LRP10: variants seen among roughly 807,000 people sequenced by gnomAD.
LRP10 encodes the protein low-density lipoprotein receptor-related protein 10.
Under a neutral mutation model 58.5 loss-of-function variants are expected in LRP10, and 42 were observed. The observed-to-expected ratio is 0.72, with a 90% CI of 0.56 to 0.93. The LOEUF (loss-of-function observed/expected upper bound fraction) is 0.93, where lower values mean the gene tolerates loss of function less well. Among genes scored for constraint, LRP10 ranks in the 40% least tolerant of loss-of-function variants. The pLI, the probability that LRP10 is intolerant of heterozygous loss-of-function variation, is 0.00. For missense variants in LRP10, 872 were observed against 940.1 expected (o/e 0.93, Z 0.95); for synonymous variants, 377 against 388.5 (o/e 0.97, Z 0.35).
Position 22,872,312 on chromosome 14 carries a change from G to T in LRP10, c.9G>T (p.Leu3Phe). Residue 3 changes from leucine (L) to phenylalanine (F), a missense_variant, in exon 1 of 7, where the codon TTG becomes TTT. Coordinates refer to ENST00000359591, the MANE Select transcript of LRP10 (RefSeq NM_014045.5). ...CCTCTGGACAGCCCAGGATGCTGTTGGCCACCCTCCTCCTCCTCCTCCTTG... is the reference window on the plus strand; with the variant it reads ...CCTCTGGACAGCCCAGGATGCTGTTTGCCACCCTCCTCCTCCTCCTCCTTG... MLLATLLLLLLGG... is the reference protein window; with the variant it reads MLFATLLLLLLGG... 6.2e-7 allele frequency: 1 copy of T among 1,613,948 alleles called. No homozygotes were observed. The highest frequency in any genetic ancestry group is 8.5e-7 in the Non-Finnish European group (1 of 1,179,904).
In LRP10 at chr14:22,879,471, T is replaced by C; in HGVS notation, c.*1944T>C. 4.0e-6 allele frequency: 1 copy of C among 253,162 alleles called. No individual in the cohort carries two copies. Among genetic ancestry groups the C allele is most frequent in the Non-Finnish European group, 8.5e-6 (1 of 117,548 alleles). The allele number at this position is 253,162 out of a possible 1,614,324, so 15.7% of individuals were successfully genotyped here. ...CCTCCCCTGCCTCTCCATAGCCTGG[T>C]CTTTTGCCCTCTCCTTTGCTCTTCT... On this transcript the variant is annotated 3_prime_UTR_variant, in exon 7 of 7. Coordinates refer to ENST00000359591, the MANE Select transcript of LRP10 (RefSeq NM_014045.5).
Position 22,875,084 on chromosome 14 carries a change from C to A in LRP10, c.245C>A (p.Ser82Ter), listed in dbSNP as rs770407993. The A allele has an allele frequency of 1.3e-6, 2 of 1,597,736 alleles. No homozygotes were observed. Among genetic ancestry groups the A allele is most frequent in the South Asian group, 2.3e-5 (2 of 88,454 alleles). ...CAGAAGCTACACCTGGCCTGTGGCTCAGAGCGCTTAACCCTACGCTCCCCT... is the reference window on the plus strand; with the variant it reads ...CAGAAGCTACACCTGGCCTGTGGCTAAGAGCGCTTAACCCTACGCTCCCCT... ...RFQKLHLACG[S>*]ERLTLRSPLQ... Residue 82 changes from serine to a stop codon, truncating the protein, a stop_gained, in exon 4 of 7, where the codon TCA (serine) becomes TAA (stop). Transcript: ENST00000359591. LOFTEE classifies it high-confidence loss of function.
rs766920773 is a variant in LRP10, at chr14:22,877,391, C to T, written c.2006C>T (p.Pro669Leu). 5.6e-6 allele frequency: 9 copies of T among 1,613,672 alleles called. No homozygotes were observed. In the Admixed American group the frequency reaches 1.0e-4, roughly 18 times the overall value. Residue 669 changes from proline (P) to leucine (L), a missense_variant, in exon 7 of 7, where the codon CCA becomes CTA. Coordinates refer to ENST00000359591, the MANE Select transcript of LRP10 (RefSeq NM_014045.5). This position sits in a 1 kb window ranked among gnomAD's most constrained non-coding sequence, Gnocchi z 5.1. Reference protein sequence around the residue: ...RGRLLPSLGPPGPTRSPPGPH... With the variant: ...RGRLLPSLGPLGPTRSPPGPH... ...CGCCTGTTGCCCAGCCTGGGGCCCC[C>T]AGGACCAACCCGGAGCCCCCCTGGA... is the stretch of plus-strand genomic sequence containing the variant.
At position 22,877,543 on chromosome 14, in the gene LRP10, C is replaced by G. The variant is rs1446235179; in HGVS notation, c.*16C>G. 1 of 1,544,318 alleles carries G rather than the reference C, an allele frequency of 6.5e-7. No individual in the cohort carries two copies. ...GCTTACCTGAGGGGACCTGGGGGCTCTACTGAGGCCTCTCCCCTGGGGGCT... is the reference window on the plus strand; with the variant it reads ...GCTTACCTGAGGGGACCTGGGGGCTGTACTGAGGCCTCTCCCCTGGGGGCT... On this transcript the variant is annotated 3_prime_UTR_variant, in exon 7 of 7. Coordinates refer to ENST00000359591, the MANE Select transcript of LRP10 (RefSeq NM_014045.5). This position sits in a 1 kb window ranked among gnomAD's most constrained non-coding sequence, Gnocchi z 5.1.
chr14:22,872,694 TA>T (rs776830928), intron 1 of LRP10, 43 bp from the exon 2 acceptor site: 2 of 1,600,560 alleles, frequency 1.2e-6, no homozygotes, highest in East Asian at 2.2e-5. Flanking sequence ...AGAAAACTCC[TA>T]AGGAGTGTCT....
In LRP10 at chr14:22,876,206, G is replaced by A. The variant is rs774077992; in HGVS notation, c.1258G>A (p.Gly420Arg). The A allele has an allele frequency of 6.2e-7, 1 of 1,614,196 alleles. No homozygotes were observed. ...KCVYETWVCDGQPDCADGSDE... is the reference protein window; with the variant it reads ...KCVYETWVCDRQPDCADGSDE... ...CGTGTATGAGACGTGGGTGTGCGAT[G>A]GGCAGCCAGACTGTGCGGACGGCAG... Residue 420 changes from glycine (G) to arginine (R), a missense_variant, in exon 5 of 7, where the codon GGG becomes AGG. Coordinates refer to ENST00000359591, the MANE Select transcript of LRP10 (RefSeq NM_014045.5).
chr14:22,876,791 A>C lies in LRP10; in HGVS notation c.1527A>C (p.Glu509Asp), dbSNP rs577147464. ...LIAQGAIPPV[E>D]DFPTENPNDN... ...CCCAGGGTGCCATCCCACCTGTAGAAGACTTTCCTACAGAGAATCCTAATG... is the reference window on the plus strand; with the variant it reads ...CCCAGGGTGCCATCCCACCTGTAGACGACTTTCCTACAGAGAATCCTAATG... Residue 509 changes from glutamate (E) to aspartate (D), a missense_variant, in exon 6 of 7, where the codon GAA becomes GAC. Physicochemically the swap from Glu to Asp is conservative, Grantham distance 45. Transcript: ENST00000359591. 6.2e-7 allele frequency: 1 copy of C among 1,613,762 alleles called. No individual in the cohort carries two copies. Among genetic ancestry groups the C allele is most frequent in the East Asian group, 2.2e-5 (1 of 44,846 alleles).
chr14:22,875,155 C>A lies in LRP10; in HGVS notation c.316C>A (p.Gln106Lys). 6.2e-7 allele frequency: 1 copy of A among 1,613,784 alleles called. No individual in the cohort carries two copies. Among genetic ancestry groups the A allele is most frequent in the Non-Finnish European group, 8.5e-7 (1 of 1,179,838 alleles). The change falls in exon 4 of 7, where the codon CAG (glutamine) becomes AAG (lysine). Residue 106 changes from glutamine (Q) to lysine (K), a missense_variant. By Grantham distance (53) the Gln-to-Lys change is moderately conservative. Transcript: ENST00000359591. The stretch of plus-strand genomic sequence containing the variant: ...GTGTGAGGCACCTCCCAGCCCTCTG[C>A]AGCTGCCCGGGGGCAACGTCACCAT... ...SLCEAPPSPLQLPGGNVTITY... is the reference protein window; with the variant it reads ...SLCEAPPSPLKLPGGNVTITY...
Position 22,877,498 on chromosome 14 carries a change from G to A in LRP10, c.2113G>A (p.Glu705Lys). The A allele has an allele frequency of 3.1e-6, 5 of 1,608,792 alleles. No individual in the cohort carries two copies. Among genetic ancestry groups the A allele is most frequent in the Non-Finnish European group, 4.2e-6 (5 of 1,177,910 alleles). ...PLAEPGVWVAEAEDEPLLT is the reference protein window; with the variant it reads ...PLAEPGVWVAKAEDEPLLT ...GGCTGAGCCGGGGGTGTGGGTAGCT[G>A]AGGCAGAGGATGAGCCACTGCTTAC... is the stretch of plus-strand genomic sequence containing the variant. The change falls in exon 7 of 7, where the codon GAG becomes AAG. Residue 705 changes from glutamate to lysine, a missense_variant. Glu to Lys is a moderately conservative substitution (Grantham distance 56, BLOSUM62 1). Transcript: ENST00000359591. The surrounding 1 kb of genome is among the most constrained non-coding windows in gnomAD (Gnocchi z 5.1).
Position 22,875,481 on chromosome 14 carries a change from C to T in LRP10, c.533C>T (p.Pro178Leu). Residue 178 changes from proline (P) to leucine (L), a missense_variant, in exon 5 of 7, where the codon CCC becomes CTC. Pro to Leu is a moderately conservative substitution (Grantham distance 98). Coordinates refer to ENST00000359591, the MANE Select transcript of LRP10 (RefSeq NM_014045.5). ...GATGAAGCAGGTTGCAGCTCAGACCCCTTCCCTGGCCTGACCCCAAGACCC... is the reference window on the plus strand; with the variant it reads ...GATGAAGCAGGTTGCAGCTCAGACCTCTTCCCTGGCCTGACCCCAAGACCC... ...GSDEAGCSSD[P>L]FPGLTPRPVP... The T allele has an allele frequency of 6.2e-7, 1 of 1,614,212 alleles. No homozygotes were observed. The highest frequency in any genetic ancestry group is 8.5e-7 in the Non-Finnish European group (1 of 1,180,042).
At position 22,875,649 on chromosome 14, in the gene LRP10, T is replaced by C. The variant is rs747853225; in HGVS notation, c.701T>C (p.Val234Ala). Residue 234 changes from valine (V) to alanine (A), a missense_variant, in exon 5 of 7, where the codon GTG becomes GCG. Transcript: ENST00000359591. ...LDPHDGRRLA[V>A]RFTALDLGFG... ...CCCCATGATGGCCGGCGGCTGGCCG[T>C]GCGCTTCACAGCCCTGGACTTGGGC... The C allele has an allele frequency of 6.2e-7, 1 of 1,613,956 alleles. No homozygotes were observed. Among genetic ancestry groups the C allele is most frequent in the Non-Finnish European group, 8.5e-7 (1 of 1,180,034 alleles).
At position 22,877,755 on chromosome 14, in the gene LRP10, C is replaced by CGG; in HGVS notation, c.*228_*229insGG. 1.4e-5 allele frequency: 6 copies of CGG among 438,900 alleles called. No homozygotes were observed. Among genetic ancestry groups the CGG allele is most frequent in the East Asian group, 3.6e-5 (1 of 28,066 alleles). The allele number at this position is 438,900 out of a possible 1,614,324, so 27.2% of individuals were successfully genotyped here. ...CTCTGTACGTGGCCATGGCCAGACACCCCAGTCCCTTCACCACCACCTGCT... is the reference window on the plus strand; with the variant it reads ...CTCTGTACGTGGCCATGGCCAGACACGGCCCAGTCCCTTCACCACCACCTGCT... On this transcript the variant is annotated 3_prime_UTR_variant, in exon 7 of 7. Transcript: ENST00000359591. The surrounding 1 kb of genome is among the most constrained non-coding windows in gnomAD (Gnocchi z 5.1).
At position 22,875,640 on chromosome 14, in the gene LRP10, G is replaced by A. The variant is rs768148200; in HGVS notation, c.692G>A (p.Arg231Gln). 3.3e-5 allele frequency: 54 copies of A among 1,613,998 alleles called. No individual in the cohort carries two copies. The highest frequency in any genetic ancestry group is 1.6e-4 in the Middle Eastern group (1 of 6,084). Residue 231 changes from arginine to glutamine, a missense_variant, in exon 5 of 7, where the codon CGG becomes CAG. Arg to Gln is a conservative substitution (Grantham distance 43). Coordinates refer to ENST00000359591, the MANE Select transcript of LRP10 (RefSeq NM_014045.5). Reference sequence around the variant, plus strand: ...CTGCTGGACCCCCATGATGGCCGGCGGCTGGCCGTGCGCTTCACAGCCCTG... The same window carrying A: ...CTGCTGGACCCCCATGATGGCCGGCAGCTGGCCGTGCGCTTCACAGCCCTG... ...HWLLDPHDGR[R>Q]LAVRFTALDL...
In LRP10 at chr14:22,877,765, TTC is replaced by T; in HGVS notation, c.*239_*240del. 1 of 418,726 alleles carries T rather than the reference TTC, an allele frequency of 2.4e-6. No homozygotes were observed. The highest frequency in any genetic ancestry group is 6.6e-5 in the South Asian group (1 of 15,244). 25.9% of individuals were successfully genotyped at this position (418,726 alleles called of 1,614,324 possible). On this transcript the variant is annotated 3_prime_UTR_variant, in exon 7 of 7. Coordinates refer to ENST00000359591, the MANE Select transcript of LRP10 (RefSeq NM_014045.5). The surrounding 1 kb of genome is among the most constrained non-coding windows in gnomAD (Gnocchi z 5.1). ...GGCCATGGCCAGACACCCCAGTCCC[TTC>T]ACCACCACCTGCTCCCCACGCCACC...
Position 22,872,159 on chromosome 14 carries a change from A to G in LRP10, c.-145A>G. ...CCGCCTCCCCGCCCCCAGCCCTGGC[A>G]TCCAGAGTACGGGTCGAGCCCGGGC... On this transcript the variant is annotated 5_prime_UTR_variant, in exon 1 of 7. Coordinates refer to ENST00000359591, the MANE Select transcript of LRP10 (RefSeq NM_014045.5). 1.3e-6 allele frequency: 1 copy of G among 783,772 alleles called. No individual in the cohort carries two copies. The highest frequency in any genetic ancestry group is 2.2e-6 in the Non-Finnish European group (1 of 459,220). 48.6% of individuals were successfully genotyped at this position (783,772 alleles called of 1,614,324 possible).
Position 22,875,727 on chromosome 14 carries a change from G to C in LRP10, c.779G>C (p.Arg260Pro), listed in dbSNP as rs374677073. The part of the protein sequence containing the change: ...YDGPGPPESS[R>P]LLRSLTHFSN... ...GGCCCTGGGCCCCCTGAGAGCTCCC[G>C]ACTACTGCGTAGTCTCACCCACTTC... The change falls in exon 5 of 7, where the codon CGA becomes CCA. Residue 260 changes from arginine (R) to proline (P), a missense_variant. Physicochemically the swap from Arg to Pro is moderately radical, Grantham distance 103. Transcript: ENST00000359591. The C allele has an allele frequency of 3.1e-6, 5 of 1,613,706 alleles. No individual in the cohort carries two copies. The African/African-American group carries it at 6.7e-5, about 22-fold the overall frequency.
intron 3 of LRP10, 135 bp downstream of exon 3, chr14:22,873,581 A>G (rs1229036928): frequency 1.5e-5 from 17 of 1,126,782 alleles, no homozygotes; most frequent in Non-Finnish European, 2.4e-6. Context: ...CTGGAGTGCA[A>G]TGGCGCGATC....
At position 22,872,299 on chromosome 14, in the gene LRP10, C is replaced by T. The variant is rs752821032; in HGVS notation, c.-5C>T. ...GACCCTTCCGGCACCTCTGGACAGC[C>T]CAGGATGCTGTTGGCCACCCTCCTC... On this transcript the variant is annotated 5_prime_UTR_variant, in exon 1 of 7. Transcript: ENST00000359591. 6.2e-7 allele frequency: 1 copy of T among 1,614,000 alleles called. No homozygotes were observed. Among genetic ancestry groups the T allele is most frequent in the Admixed American group, 1.7e-5 (1 of 60,020 alleles).
chr14:22,875,034 T>TG, intron 3 of LRP10, 21 bp from the exon 4 acceptor site: 3 of 1,501,026 alleles, frequency 2.0e-6, no homozygotes, highest in Non-Finnish European at 2.7e-6. Flanking sequence ...TCTCATGTCC[T>TG]GCTCTCCTCT....
Sources: gnomAD v4.1 joint callset for allele counts on GRCh38, gnomAD v4.1.1 for gene constraint, Gnocchi (gnomAD v3.1) non-coding constraint, MANE v1.5 for transcripts, NCBI Gene and HGNC (gene_info 2026-07-23, HGNC 2026-07-21) for gene names.